The following NALF1 variants were observed in gnomAD, a reference collection of about 807,000 sequenced individuals.
NALF1 encodes the protein NALCN channel auxiliary factor 1.
In NALF1, 3 loss-of-function variants were observed where a neutral mutation model predicts 48.4. The observed-to-expected ratio is 0.06, with a 90% CI of 0.03 to 0.16. The LOEUF is 0.16. NALF1 is among the 10% of genes least tolerant of loss of function. NALF1 has a pLI of 1.00. For missense variants in NALF1, 526 were observed against 571.5 expected, an observed-to-expected ratio of 0.92 and a Z score of 0.81; for synonymous variants, 262 against 245.7, an observed-to-expected ratio of 1.07 and a Z score of -0.62.
At chr13:107,184,517 G>T (rs972650114) in intron 2 of NALF1, among the ~76,000 whole-genome samples, 1 of 151,992 alleles carries the variant, frequency 6.6e-6, no homozygotes, top group Non-Finnish European at 1.5e-5. Context: ...GCTTTTCTAG[G>T]TCCCTATGAT....
At chr13:107,466,950 T>C (rs1885013943) in intron 1 of NALF1, among the ~76,000 whole-genome samples, 1 of 152,178 alleles carries the variant, frequency 6.6e-6, no homozygotes, top group Non-Finnish European at 1.5e-5. Flanking sequence ...TTCTTTTAAA[T>C]TTCTCTGTCA....
intron 1 of NALF1, among the ~76,000 whole-genome samples, chr13:107,230,393 C>A (rs1318290323): frequency 6.6e-6 from 1 of 151,976 alleles, no homozygotes; most frequent in Admixed American, 6.6e-5. Flanking sequence ...TGCATAGGAG[C>A]TAAAAGCATA....
chr13:107,823,977 GTTA>G (rs138189827), intron 1 of NALF1, among the ~76,000 whole-genome samples: 6,239 of 148,704 alleles, frequency 0.042, 347 homozygotes, highest in East Asian at 0.28. Flanking sequence ...TACCATTGCT[GTTA>G]TTATTATTAT....
intron 1 of NALF1, among the ~76,000 whole-genome samples, chr13:107,731,903 G>C (rs187602980): frequency 6.6e-6 from 1 of 152,160 alleles, no homozygotes; most frequent in African/African-American, 2.4e-5. Context: ...CTCTTTCTCT[G>C]CTGCTTCCTT....
intron 1 of NALF1, among the ~76,000 whole-genome samples, chr13:107,721,269 G>A (rs577855285): frequency 1.3e-5 from 2 of 152,090 alleles, no homozygotes; most frequent in South Asian, 2.1e-4. Context: ...AAATGATACC[G>A]GTTCCTAGGG....
At chr13:107,778,435 T>G (rs1877797786) in intron 1 of NALF1, among the ~76,000 whole-genome samples, 1 of 152,138 alleles carries the variant, frequency 6.6e-6, no homozygotes, top group Non-Finnish European at 1.5e-5. Context: ...TGAACTGAAT[T>G]CTTAAAGGGG....
At chr13:107,771,347 T>C (rs1877570667) in intron 1 of NALF1, among the ~76,000 whole-genome samples, 1 of 151,882 alleles carries the variant, frequency 6.6e-6, no homozygotes, top group Admixed American at 6.6e-5. Flanking sequence ...GGCCTATAAT[T>C]ATCATCATAA....
intron 1 of NALF1, among the ~76,000 whole-genome samples, chr13:107,797,995 C>T (rs1387543333): frequency 1.3e-5 from 2 of 151,982 alleles, no homozygotes; most frequent in African/African-American, 4.8e-5. Flanking sequence ...ACAGCATATC[C>T]CATTTTCCTC....
At chr13:107,458,186 G>GA (rs755328006) in intron 1 of NALF1, among the ~76,000 whole-genome samples, 5 of 152,082 alleles carry the variant, frequency 3.3e-5, no homozygotes, top group Non-Finnish European at 5.9e-5. Context: ...TTCTATGTCA[G>GA]AAAAAAACAG....
intron 1 of NALF1, among the ~76,000 whole-genome samples, chr13:107,284,859 T>C (rs555342588): frequency 1.3e-5 from 2 of 152,256 alleles, no homozygotes; most frequent in South Asian, 4.2e-4. Flanking sequence ...ATCTCCTAGC[T>C]TCCAGAGCCG....
chr13:107,279,896 A>G (rs1479244722), intron 1 of NALF1, among the ~76,000 whole-genome samples: 1 of 152,190 alleles, frequency 6.6e-6, no homozygotes, highest in Non-Finnish European at 1.5e-5. Flanking sequence ...TTACCTTATA[A>G]ATACCAATTA....
intron 1 of NALF1, among the ~76,000 whole-genome samples, chr13:107,736,714 T>C (rs890912515): frequency 2.0e-5 from 3 of 152,224 alleles, no homozygotes. Context: ...CTAGTGCTTT[T>C]AGTTAACAAG....
At chr13:107,537,792 T>C (rs1314604776) in intron 1 of NALF1, among the ~76,000 whole-genome samples, 4 of 151,984 alleles carry the variant, frequency 2.6e-5, no homozygotes, top group Admixed American at 2.6e-4. Flanking sequence ...CTGAGGCAGG[T>C]AGATCACTTG....
At chr13:107,845,221 T>A (rs1880139647) in intron 1 of NALF1, among the ~76,000 whole-genome samples, 1 of 152,202 alleles carries the variant, frequency 6.6e-6, no homozygotes, top group African/African-American at 2.4e-5. Context: ...CAAGTCCAGA[T>A]GAAAGATTGC....
At chr13:107,834,245 T>C (rs1040240394) in intron 1 of NALF1, among the ~76,000 whole-genome samples, 3 of 152,170 alleles carry the variant, frequency 2.0e-5, no homozygotes, top group African/African-American at 7.2e-5. Flanking sequence ...ATCTACAGAT[T>C]TTGGTGTCCA....
At chr13:107,256,425 C>G (rs1238320894) in intron 1 of NALF1, among the ~76,000 whole-genome samples, 2 of 152,100 alleles carry the variant, frequency 1.3e-5, no homozygotes, top group Admixed American at 1.3e-4. Flanking sequence ...TTTTGTTGAC[C>G]GTCTAATCTT....
intron 1 of NALF1, among the ~76,000 whole-genome samples, chr13:107,841,526 G>T (rs1325009588): frequency 6.6e-6 from 1 of 152,022 alleles, no homozygotes; most frequent in Non-Finnish European, 1.5e-5. Context: ...AATATTATAA[G>T]TCATGGATGT....
At chr13:107,700,498 T>A (rs1881794193) in intron 1 of NALF1, among the ~76,000 whole-genome samples, 2 of 151,896 alleles carry the variant, frequency 1.3e-5, no homozygotes, top group Non-Finnish European at 2.9e-5. Context: ...TCTAAATGAA[T>A]AAAGGCTCTA....
At chr13:107,268,291 T>A (rs1351712144) in intron 1 of NALF1, among the ~76,000 whole-genome samples, 1 of 152,018 alleles carries the variant, frequency 6.6e-6, no homozygotes. Flanking sequence ...CCCAGCCTAT[T>A]TCTGGAATTT....
Sources: gnomAD v4.1 joint callset for allele counts (sites outside exome capture counted in the v4.1 genomes callset) on GRCh38, gnomAD v4.1.1 for gene constraint, MANE v1.5 for transcripts, NCBI Gene and HGNC (gene_info 2026-07-23, HGNC 2026-07-21) for gene names.